Variants in LSAMP observed in about 807,000 individuals in gnomAD.
LSAMP encodes limbic system associated membrane protein.
A neutral mutation model predicts 38.6 loss-of-function variants in LSAMP; 7 were observed. The observed-to-expected ratio is 0.18, with a 90% CI of 0.10 to 0.34. The LOEUF (loss-of-function observed/expected upper bound fraction) is 0.34. LSAMP is among the 10% of genes least tolerant of loss of function. The pLI, the probability that LSAMP is intolerant of heterozygous loss-of-function variation, is 1.00. For synonymous variants in LSAMP, 154 were observed against 166.8 expected, an observed-to-expected ratio of 0.92 and a Z score of 0.59; for missense variants, 313 against 420.0, an observed-to-expected ratio of 0.75 and a Z score of 2.23.
chr3:116,429,414 T>C (rs941718697), intron 1 of LSAMP, among the ~76,000 whole-genome samples: 2 of 152,190 alleles, frequency 1.3e-5, no homozygotes, highest in African/African-American at 2.4e-5. Flanking sequence ...TTGGTTGACC[T>C]CATATTTTGT....
chr3:116,399,243 G>C (rs1372060164), intron 1 of LSAMP, among the ~76,000 whole-genome samples: 1 of 152,116 alleles, frequency 6.6e-6, no homozygotes, highest in Non-Finnish European at 1.5e-5. Flanking sequence ...ATAATTGTAA[G>C]AAAAGCCGTG....
chr3:116,220,653 C>T lies in LSAMP; in HGVS notation c.156-134097G>A, dbSNP rs16824613. Among the ~76,000 whole-genome samples the T allele has an allele frequency of 3.8e-3, 578 of 152,174 alleles. 2 individuals are homozygous for T. The highest frequency in any genetic ancestry group is 0.013 in the African/African-American group (543 of 41,514). On this transcript the variant is annotated intron_variant, in intron 1 of 6. Transcript: ENST00000490035. ...TGATGGAGCAATCATTACGGATTCT[C>T]GAGCATCATACATTTAAGAGTTTTA...
At chr3:116,306,909 T>C (rs886373227) in intron 1 of LSAMP, among the ~76,000 whole-genome samples, 1 of 151,958 alleles carries the variant, frequency 6.6e-6, no homozygotes, top group African/African-American at 2.4e-5. Context: ...CTTTAAATTA[T>C]AGGGTATATG....
chr3:115,877,858 T>C (rs1559863458), intron 3 of LSAMP, among the ~76,000 whole-genome samples: 1 of 152,050 alleles, frequency 6.6e-6, no homozygotes, highest in Non-Finnish European at 1.5e-5. Flanking sequence ...TGCAAAAATT[T>C]TTTAAAATGT....
At chr3:116,220,793 T>C (rs1358664392) in intron 1 of LSAMP, among the ~76,000 whole-genome samples, 3 of 152,192 alleles carry the variant, frequency 2.0e-5, no homozygotes, top group Non-Finnish European at 4.4e-5. Flanking sequence ...TAAGCAGCCA[T>C]TCTGTAGTCA....
At chr3:116,241,460 G>C (rs896828404) in intron 1 of LSAMP, among the ~76,000 whole-genome samples, 1 of 152,038 alleles carries the variant, frequency 6.6e-6, no homozygotes, top group Non-Finnish European at 1.5e-5. Flanking sequence ...CAGCTACTCG[G>C]GAGGGTGAGG....
chr3:115,967,363 CTG>C (rs1183091835), intron 3 of LSAMP, among the ~76,000 whole-genome samples: 1 of 152,202 alleles, frequency 6.6e-6, no homozygotes, highest in Admixed American at 6.5e-5. Flanking sequence ...CCACCTCAGG[CTG>C]GATTTCATTG....
intron 3 of LSAMP, 78 bp from the exon 4 acceptor site, chr3:115,852,695 G>A: frequency 7.6e-7 from 1 of 1,311,640 alleles, no homozygotes; most frequent in African/African-American, 1.5e-5. Flanking sequence ...CTTTTTAAAA[G>A]CCATAAATCC....
chr3:115,866,231 G>C (rs1279327475), intron 3 of LSAMP, among the ~76,000 whole-genome samples: 1 of 151,742 alleles, frequency 6.6e-6, no homozygotes, highest in Non-Finnish European at 1.5e-5. Context: ...ATCCTCATTT[G>C]CCTACCAGTT....
At chr3:115,852,775 C>A (rs1935374715) in intron 3 of LSAMP, among the ~76,000 whole-genome samples, 158 bp from the exon 4 acceptor site, 1 of 151,984 alleles carries the variant, frequency 6.6e-6, no homozygotes, top group Non-Finnish European at 1.5e-5. Context: ...GACCTCAAGA[C>A]AAAAATCTTA....
chr3:116,206,610 T>C (rs1399084253), intron 1 of LSAMP, among the ~76,000 whole-genome samples: 4 of 146,576 alleles, frequency 2.7e-5, no homozygotes, highest in Non-Finnish European at 6.0e-5. Flanking sequence ...TGTGTCTTTG[T>C]TCTCGTTGGT....
intron 1 of LSAMP, among the ~76,000 whole-genome samples, chr3:116,342,774 G>A (rs1292018494): frequency 6.6e-6 from 1 of 152,046 alleles, no homozygotes; most frequent in Non-Finnish European, 1.5e-5. Flanking sequence ...CTGCATGGGG[G>A]AAATTTTCAT....
intron 1 of LSAMP, among the ~76,000 whole-genome samples, chr3:116,384,588 T>TAC (rs1250035786): frequency 6.6e-6 from 1 of 152,104 alleles, no homozygotes; most frequent in Non-Finnish European, 1.5e-5. Flanking sequence ...GTGGGATATA[T>TAC]ACAGTGATAA....
intron 1 of LSAMP, among the ~76,000 whole-genome samples, chr3:116,352,521 T>G (rs1207783459): frequency 6.6e-6 from 1 of 151,884 alleles, no homozygotes; most frequent in East Asian, 1.9e-4. Context: ...GAAAACTGAG[T>G]CTAATGATGG....
At chr3:115,862,011 A>C (rs1043188210) in intron 3 of LSAMP, among the ~76,000 whole-genome samples, 12 of 152,232 alleles carry the variant, frequency 7.9e-5, no homozygotes, top group Admixed American at 2.6e-4. Flanking sequence ...CCATATACTT[A>C]AAAGAGTCCT....
chr3:115,834,071 T>C (rs1045564898), intron 6 of LSAMP, among the ~76,000 whole-genome samples: 3 of 152,196 alleles, frequency 2.0e-5, no homozygotes, highest in Non-Finnish European at 2.9e-5. Context: ...GCCAAGATTT[T>C]AAGAAAAAAT....
chr3:115,818,347 CGAT>C (rs1934098496), intron 6 of LSAMP, among the ~76,000 whole-genome samples: 1 of 152,116 alleles, frequency 6.6e-6, no homozygotes, highest in African/African-American at 2.4e-5. Flanking sequence ...CCTCAATCCT[CGAT>C]GAGGCCATCT....
chr3:115,939,343 A>G (rs1276846800), intron 3 of LSAMP, among the ~76,000 whole-genome samples: 4 of 152,180 alleles, frequency 2.6e-5, no homozygotes, highest in Non-Finnish European at 4.4e-5. Flanking sequence ...GCAGCATTGT[A>G]CTTTATTCAC....
chr3:115,935,123 G>A (rs1937655566), intron 3 of LSAMP, among the ~76,000 whole-genome samples: 1 of 152,060 alleles, frequency 6.6e-6, no homozygotes, highest in Non-Finnish European at 1.5e-5. Flanking sequence ...CTTCTGAAAT[G>A]TTAAATATAA....
Sources: gnomAD v4.1 joint callset for allele counts (sites outside exome capture counted in the v4.1 genomes callset) on GRCh38, gnomAD v4.1.1 for gene constraint, MANE v1.5 for transcripts, NCBI Gene and HGNC (gene_info 2026-07-23, HGNC 2026-07-21) for gene names.